Variants in MMEL1 observed in about 807,000 individuals in gnomAD.
MMEL1 encodes membrane metallo-endopeptidase-like 1.
Under a neutral mutation model 117.1 loss-of-function variants are expected in MMEL1, and 98 were observed. The observed-to-expected ratio is 0.84, with a 90% CI of 0.71 to 0.99. The LOEUF is 0.99. Among genes scored for constraint, MMEL1 ranks in the 50% least tolerant of loss-of-function variants. The pLI, the probability that MMEL1 is intolerant of heterozygous loss-of-function variation, is 0.00. For missense variants in MMEL1, 1,014 were observed against 1,049.1 expected, an observed-to-expected ratio of 0.97 and a Z score of 0.46; for synonymous variants, 390 against 415.1, an observed-to-expected ratio of 0.94 and a Z score of 0.74.
chr1:2,629,181 C>T, intron 2 of MMEL1, 150 bp downstream of exon 2: 1 of 815,284 alleles, frequency 1.2e-6, no homozygotes. Context: ...CAGCTCGGCC[C>T]CGGGAGCCCC....
At chr1:2,632,572 C>A in intron 1 of MMEL1, 1 of 174,040 alleles carries the variant, frequency 5.7e-6, no homozygotes, top group East Asian at 1.5e-4. Flanking sequence ...GCCAAGTACC[C>A]GGGGCAGGTG....
At chr1:2,602,848 T>C (rs745573323) in intron 11 of MMEL1, among the ~76,000 whole-genome samples, 1 of 152,120 alleles carries the variant, frequency 6.6e-6, no homozygotes, top group Non-Finnish European at 1.5e-5. Flanking sequence ...CTTTACCTCC[T>C]GTCTGCTGTC....
At position 2,591,486 on chromosome 1, in the gene MMEL1, T is replaced by C. The variant is rs75727593; in HGVS notation, c.2240+71A>G. The C allele has an allele frequency of 7.3e-3, 9,428 of 1,288,530 alleles. 458 individuals carry two copies. The African/African-American group carries it at 0.11, about 15-fold the overall frequency. 79.8% of individuals were successfully genotyped at this position (1,288,530 alleles called of 1,614,324 possible). On this transcript the variant is annotated intron_variant, in intron 23 of 23. Coordinates refer to ENST00000378412, the MANE Select transcript of MMEL1 (RefSeq NM_033467.4). ...TTGAGCCACTTTTTGTGCTTTCTTC[T>C]TTTACAGGCCACTGGGGTGGGGGTG... is the stretch of plus-strand genomic sequence containing the variant.
At chr1:2,613,396 C>G (rs1645158689) in intron 2 of MMEL1, among the ~76,000 whole-genome samples, 1 of 152,136 alleles carries the variant, frequency 6.6e-6, no homozygotes, top group Non-Finnish European at 1.5e-5. Flanking sequence ...GGCCTCACCT[C>G]AGCAAAAGAG....
Position 2,590,692 on chromosome 1 carries a change from A to G in MMEL1, c.*298T>C, listed in dbSNP as rs1296399289. ...TCTGAAGCTGTAGATACTGGAAGACAATGCACCTTGGAGGGTGGGCAGGAC... is the reference window on the plus strand; with the variant it reads ...TCTGAAGCTGTAGATACTGGAAGACGATGCACCTTGGAGGGTGGGCAGGAC... On this transcript the variant is annotated 3_prime_UTR_variant, in exon 24 of 24. Coordinates refer to ENST00000378412, the MANE Select transcript of MMEL1 (RefSeq NM_033467.4). 2.8e-6 allele frequency: 1 copy of G among 360,754 alleles called. No homozygotes were observed. 22.3% of individuals were successfully genotyped at this position (360,754 alleles called of 1,614,324 possible).
chr1:2,624,665 T>C (rs892959605), intron 2 of MMEL1, among the ~76,000 whole-genome samples: 1 of 152,226 alleles, frequency 6.6e-6, no homozygotes, highest in Non-Finnish European at 1.5e-5. Flanking sequence ...AGAATATTAC[T>C]AATGACAGCA....
At chr1:2,605,699 C>T (rs969496133) in intron 8 of MMEL1, 76 bp from the exon 9 acceptor site, 3 of 1,116,546 alleles carry the variant, frequency 2.7e-6, no homozygotes, top group African/African-American at 3.1e-5. Context: ...GCTGCAGCCG[C>T]CTCCCCACAG....
At chr1:2,625,897 C>CGATA (rs1638248220) in intron 2 of MMEL1, among the ~76,000 whole-genome samples, 1 of 151,952 alleles carries the variant, frequency 6.6e-6, no homozygotes, top group African/African-American at 2.4e-5. Flanking sequence ...CAGCCTGCAC[C>CGATA]GATAGCCTCA....
chr1:2,617,003 T>C (rs1320013420), intron 2 of MMEL1, among the ~76,000 whole-genome samples: 6 of 152,228 alleles, frequency 3.9e-5, no homozygotes, highest in African/African-American at 9.6e-5. Flanking sequence ...GCATGTTTTT[T>C]CCGTGTCGTC....
intron 19 of MMEL1, 110 bp from the exon 20 acceptor site, chr1:2,593,076 T>G: frequency 7.2e-7 from 1 of 1,389,220 alleles, no homozygotes; most frequent in Non-Finnish European, 9.9e-7. Context: ...CCAGCCCCAG[T>G]ACGGAGAGCC....
rs750829021 is a variant in MMEL1 at position 2,604,282 on chromosome 1, C to T, written c.817-1G>A. ...TGAACTGCAGGTAGGCTTCCCGCAC[C>T]TGGGCCAAAGGACGCCGGGCAGAGC... On this transcript the variant is annotated splice_acceptor_variant, in intron 9 of 23. Coordinates refer to ENST00000378412, the MANE Select transcript of MMEL1 (RefSeq NM_033467.4). LOFTEE classifies it high-confidence loss of function. The T allele has an allele frequency of 6.2e-7, 1 of 1,612,554 alleles. No homozygotes were observed. The highest frequency in any genetic ancestry group is 1.1e-5 in the South Asian group (1 of 91,060).
chr1:2,626,984 A>G (rs1379025117), intron 2 of MMEL1, among the ~76,000 whole-genome samples: 1 of 152,254 alleles, frequency 6.6e-6, no homozygotes, highest in East Asian at 1.9e-4. Context: ...CCAGCCATAC[A>G]CGATTGAAAG....
chr1:2,600,536 GAAA>G (rs56126904), intron 11 of MMEL1, among the ~76,000 whole-genome samples: 81,606 of 150,478 alleles, frequency 0.54, 23,623 homozygotes, highest in Non-Finnish European at 0.66. Flanking sequence ...CTGTTTCTGG[GAAA>G]AAAAAAAAAA....
chr1:2,591,443 A>G (rs569053955), intron 23 of MMEL1, 114 bp downstream of exon 23: 57 of 869,444 alleles, frequency 6.6e-5, no homozygotes, highest in Non-Finnish European at 1.0e-4. Flanking sequence ...GTTTATTCCC[A>G]AAATAAACCT....
At chr1:2,607,599 G>A (rs1004523393) in intron 6 of MMEL1, among the ~76,000 whole-genome samples, 3 of 152,114 alleles carry the variant, frequency 2.0e-5, no homozygotes, top group Admixed American at 6.5e-5. Context: ...AGGTGGGGAC[G>A]CGGAGATAGT....
rs190525076 is a variant in MMEL1, at chr1:2,607,082, G to A, written c.536-13C>T. The stretch of plus-strand genomic sequence containing the variant: ...TTCTCTATCACACCTGAGAAGGGAC[G>A]CAGTGGTCACTCTCCCAGCCTCCCT... On this transcript the variant is annotated splice_polypyrimidine_tract_variant and intron_variant, in intron 6 of 23. Transcript: ENST00000378412. 1.2e-5 allele frequency: 20 copies of A among 1,606,446 alleles called. No homozygotes were observed. Among genetic ancestry groups the A allele is most frequent in the Admixed American group, 5.0e-5 (3 of 60,008 alleles).
Position 2,593,842 on chromosome 1 carries a change from G to C in MMEL1, c.1839C>G (p.His613Gln). The C allele has an allele frequency of 6.2e-7, 1 of 1,611,818 alleles. No individual in the cohort carries two copies. The highest frequency in any genetic ancestry group is 8.5e-7 in the Non-Finnish European group (1 of 1,178,762). ...TGTCGTCAAAGCCGTGCGTGATCTC[G>C]TGCCCGATCACCATCCCAATGCCTC... ...NFGGIGMVIG[H>Q]EITHGFDDNG... The change falls in exon 19 of 24, where the codon CAC becomes CAG. Residue 613 changes from histidine to glutamine, a missense_variant. By Grantham distance (24) the His-to-Gln change is conservative. Coordinates refer to ENST00000378412, the MANE Select transcript of MMEL1 (RefSeq NM_033467.4).
rs1251573107 is a variant in MMEL1, at chr1:2,629,505, G to A, written c.-21C>T. The A allele has an allele frequency of 6.9e-7, 1 of 1,452,810 alleles. No homozygotes were observed. The highest frequency in any genetic ancestry group is 1.5e-5 in the African/African-American group (1 of 68,350). The allele number at this position is 1,452,810 out of a possible 1,614,324, so 90.0% of individuals were successfully genotyped here. ...CCCATCAGCAGGGCTCTGGACGGGA[G>A]AGCACCGCGGAGGAACCTGCAGGCC... On this transcript the variant is annotated 5_prime_UTR_variant, in exon 2 of 24. Coordinates refer to ENST00000378412, the MANE Select transcript of MMEL1 (RefSeq NM_033467.4).
At chr1:2,593,156 A>G (rs1211266154) in intron 19 of MMEL1, among the ~76,000 whole-genome samples, 190 bp from the exon 20 acceptor site, 2 of 152,286 alleles carry the variant, frequency 1.3e-5, no homozygotes, top group East Asian at 3.9e-4. Flanking sequence ...CTGGGGCTAC[A>G]CAGCCCCCAG....
Sources: allele counts gnomAD v4.1 joint callset (sites outside exome capture counted in the v4.1 genomes callset), GRCh38; gene constraint gnomAD v4.1.1; transcripts MANE v1.5; gene names NCBI Gene and HGNC (gene_info 2026-07-23, HGNC 2026-07-21).